Variants in ANK2 observed in about 807,000 individuals in gnomAD.
The protein encoded by ANK2 is ankyrin 2.
Under a neutral mutation model 360.5 loss-of-function variants are expected in ANK2, and 83 were observed. The observed-to-expected ratio is 0.23, with a 90% CI of 0.19 to 0.28. The LOEUF (loss-of-function observed/expected upper bound fraction) is 0.28, where lower values mean the gene tolerates loss of function less well. ANK2 is among the 10% of genes least tolerant of loss of function. ANK2 has a pLI of 1.00. For synonymous variants in ANK2, 1,740 were observed against 1,759.5 expected (o/e 0.99, Z 0.28); for missense variants, 4,201 against 4,795.7 (o/e 0.88, Z 3.66).
chr4:113,072,953 CTTTT>C (rs77468290), intron 1 of ANK2, among the ~76,000 whole-genome samples: 3 of 59,408 alleles, frequency 5.0e-5, no homozygotes, highest in Non-Finnish European at 9.0e-5. Context: ...AGGACAGTGT[CTTTT>C]TTTTTTTTTT....
At chr4:113,374,915 A>C in intron 45 of ANK2, 1 of 1,231,762 alleles carries the variant, frequency 8.1e-7, no homozygotes, top group Non-Finnish European at 1.0e-6. Flanking sequence ...TTAGCCACTG[A>C]TCTTCCTTCA....
chr4:112,917,450 A>G (rs2090213638), intron 2 of ANK2, among the ~76,000 whole-genome samples: 1 of 152,242 alleles, frequency 6.6e-6, no homozygotes, highest in African/African-American at 2.4e-5. Flanking sequence ...CGGCTGATAC[A>G]AACTGTAGGA....
chr4:112,951,034 A>C (rs1044038750), intron 2 of ANK2, among the ~76,000 whole-genome samples: 18 of 135,080 alleles, frequency 1.3e-4, no homozygotes, highest in African/African-American at 4.6e-4. Context: ...GTGAGCCGAG[A>C]TCCCGCCACT....
At chr4:113,273,823 G>C (rs2059330919) in intron 14 of ANK2, among the ~76,000 whole-genome samples, 1 of 152,106 alleles carries the variant, frequency 6.6e-6, no homozygotes, top group African/African-American at 2.4e-5. Context: ...TTGGCAAATA[G>C]TTCACCCTAT....
At chr4:113,279,330 T>C (rs2061389177) in intron 17 of ANK2, among the ~76,000 whole-genome samples, 1 of 152,226 alleles carries the variant, frequency 6.6e-6, no homozygotes, top group South Asian at 2.1e-4. Context: ...CACCATTTAT[T>C]TGCCAAACAC....
chr4:113,255,577 C>T (rs186160478), intron 10 of ANK2, among the ~76,000 whole-genome samples, 158 bp from the exon 11 acceptor site: 129 of 151,890 alleles, frequency 8.5e-4, no homozygotes, highest in African/African-American at 2.7e-3. Flanking sequence ...TTCATCTCTG[C>T]GAAATATAGT....
intron 2 of ANK2, among the ~76,000 whole-genome samples, chr4:112,913,364 T>C (rs570179725): frequency 6.6e-6 from 1 of 152,348 alleles, no homozygotes; most frequent in South Asian, 2.1e-4. Context: ...TCAGTCTCTC[T>C]GTGTTACCTA....
Position 112,885,796 on chromosome 4 carries a change from C to CAAAAAAAAAA in ANK2, c.-39-18639_-39-18630dup, listed in dbSNP as rs750277917. On this transcript the variant is annotated intron_variant, in intron 1 of 30. Transcript: ENST00000503271. ...TGGGGGACAGAGCAAGACTCTGTCT[C>CAAAAAAAAAA]AAAAAAAAAAAAAAAAAAAAAAAAA... Among the ~76,000 whole-genome samples the CAAAAAAAAAA allele has an allele frequency of 7.6e-3, 205 of 26,976 alleles. 9 individuals carry two copies. The highest frequency in any genetic ancestry group is 0.016 in the African/African-American group (138 of 8,790). The allele number at this position is 26,976 out of a possible 152,430, so 17.7% of individuals were successfully genotyped here.
At chr4:113,072,894 A>G (rs1010441638) in intron 1 of ANK2, among the ~76,000 whole-genome samples, 1 of 149,096 alleles carries the variant, frequency 6.7e-6, no homozygotes, top group Non-Finnish European at 1.5e-5. Context: ...ATGTATGACA[A>G]TTATATTGTG....
intron 2 of ANK2, among the ~76,000 whole-genome samples, chr4:113,014,852 T>A (rs1192956802): frequency 3.0e-5 from 1 of 33,404 alleles, no homozygotes. Flanking sequence ...ATAGAGCTTT[T>A]TTTTTTTTTT....
At chr4:113,038,276 A>G (rs2062048107) in intron 2 of ANK2, among the ~76,000 whole-genome samples, 1 of 152,012 alleles carries the variant, frequency 6.6e-6, no homozygotes, top group African/African-American at 2.4e-5. Flanking sequence ...AGAAAGCAGG[A>G]TACGTGAAAC....
In ANK2 at chr4:113,356,100, C is replaced by A; in HGVS notation, c.7482C>A (p.Ala2494=). ...PSHFPLPAAV[A]KTELLTEVAS... is the part of the protein sequence containing the mutation. Reference sequence around the variant, plus strand: ...ACTTTCCTCTTCCTGCAGCTGTTGCCAAAACAGAACTCTTGACGGAAGTGG... The same window carrying A: ...ACTTTCCTCTTCCTGCAGCTGTTGCAAAAACAGAACTCTTGACGGAAGTGG... Residue 2494 remains alanine (A), a synonymous_variant, in exon 38 of 46, where the codon GCC becomes GCA. Transcript: ENST00000357077. 6.2e-7 allele frequency: 1 copy of A among 1,614,042 alleles called. No individual in the cohort carries two copies. The highest frequency in any genetic ancestry group is 8.5e-7 in the Non-Finnish European group (1 of 1,179,974).
the ANK2 span, chr4:112,788,770 T>C: frequency 1.3e-5 from 20 of 1,487,838 alleles, no homozygotes; most frequent in Middle Eastern, 2.1e-4. Flanking sequence ...CCAAAATTCT[T>C]AGGCCTTTCC....
intron 1 of ANK2, chr4:113,117,398 C>T (rs768314514): frequency 1.5e-5 from 7 of 456,196 alleles, no homozygotes; most frequent in Non-Finnish European, 3.1e-5. Flanking sequence ...CCCCAGAGAA[C>T]GTATGGAACG....
chr4:112,872,554 C>T (rs1246934471), intron 1 of ANK2, among the ~76,000 whole-genome samples: 1 of 152,308 alleles, frequency 6.6e-6, no homozygotes, highest in Non-Finnish European at 1.5e-5. Context: ...TCAGGCTGGT[C>T]TCGAACCCCC....
intron 2 of ANK2, among the ~76,000 whole-genome samples, chr4:112,957,839 GGGGCGGTTGCC>G (rs2031202078): frequency 6.7e-6 from 1 of 150,046 alleles, no homozygotes; most frequent in African/African-American, 2.5e-5. Flanking sequence ...CTTCTCAGAC[GGGGCGGTTGCC>G]AGGCAGAGGG....
chr4:113,366,478 A>T (rs2096542761), intron 41 of ANK2, among the ~76,000 whole-genome samples: 1 of 128,736 alleles, frequency 7.8e-6, no homozygotes, highest in African/African-American at 3.1e-5. Context: ...ATGATGATGT[A>T]TCTTAACTGT....
chr4:113,128,078 G>A (rs2095780177), intron 1 of ANK2, among the ~76,000 whole-genome samples: 1 of 152,178 alleles, frequency 6.6e-6, no homozygotes, highest in African/African-American at 2.4e-5. Flanking sequence ...GTTTGAAGTG[G>A]TGGCAGGATG....
In ANK2 at chr4:113,339,369, CA is replaced by C. The variant is rs747477763; in HGVS notation, c.3893+54del. ...AAGCCCACTATGATATGTTACCCTC[CA>C]AAAAAACTGCCCTTTGTTTTATTTT... On this transcript the variant is annotated intron_variant, in intron 32 of 45. Transcript: ENST00000357077. 2.3e-5 allele frequency: 34 copies of C among 1,449,460 alleles called. No individual in the cohort carries two copies. The South Asian group carries it at 3.0e-4, about 13-fold the overall frequency. The allele number at this position is 1,449,460 out of a possible 1,614,324, so 89.8% of individuals were successfully genotyped here.
Sources: gnomAD v4.1 joint callset for allele counts (sites outside exome capture counted in the v4.1 genomes callset) on GRCh38, gnomAD v4.1.1 for gene constraint, MANE v1.5 for transcripts, NCBI Gene and HGNC (gene_info 2026-07-23, HGNC 2026-07-21) for gene names.